The following VAPB variants were observed in gnomAD, a reference collection of about 807,000 sequenced individuals.
VAPB encodes vesicle-associated membrane protein-associated protein B/C.
A neutral mutation model predicts 25.6 loss-of-function variants in VAPB; 7 were observed. That is an observed-to-expected ratio of 0.27 (90% CI 0.16 to 0.51). The LOEUF is 0.51. Ranked by LOEUF, VAPB falls within the 20% of genes least tolerant of loss-of-function variation. The pLI, the probability that VAPB is intolerant of heterozygous loss-of-function variation, is 0.97. For missense variants in VAPB, 266 were observed against 301.3 expected, an observed-to-expected ratio of 0.88 and a Z score of 0.87; for synonymous variants, 112 against 109.2, an observed-to-expected ratio of 1.03 and a Z score of -0.16.
intron 2 of VAPB, among the ~76,000 whole-genome samples, chr20:58,426,408 G>A (rs1988783290): frequency 6.6e-6 from 1 of 152,168 alleles, no homozygotes; most frequent in South Asian, 2.1e-4. Context: ...GGAAGATGGG[G>A]TATATTGACA....
At position 58,389,287 on chromosome 20, in the gene VAPB, G is replaced by A; in HGVS notation, c.-173G>A. 1.4e-6 allele frequency: 1 copy of A among 736,860 alleles called. No individual in the cohort carries two copies. The highest frequency in any genetic ancestry group is 2.4e-6 in the Non-Finnish European group (1 of 424,782). The allele number at this position is 736,860 out of a possible 1,614,324, so 45.6% of individuals were successfully genotyped here. A position where few individuals can be genotyped will look rare whatever the true frequency, so the allele number is the denominator to read the frequency against. On this transcript the variant is annotated 5_prime_UTR_variant, in exon 1 of 6. Coordinates refer to ENST00000475243, the MANE Select transcript of VAPB (RefSeq NM_004738.5). ...GCCCTCGCCCTCCGCCCCTGCGCCTGCACCGCGTAGACCGACCCCCCCCCA... is the reference window on the plus strand; with the variant it reads ...GCCCTCGCCCTCCGCCCCTGCGCCTACACCGCGTAGACCGACCCCCCCCCA...
In VAPB at chr20:58,446,464, G is replaced by A. The variant is rs538187812; in HGVS notation, c.*2229G>A. ...TTATTTTTAAAGGATATGGCCGTGT[G>A]TTTTGATAAAACTTTATTCACAAAA... On this transcript the variant is annotated 3_prime_UTR_variant, in exon 6 of 6. Coordinates refer to ENST00000475243, the MANE Select transcript of VAPB (RefSeq NM_004738.5). 6.6e-6 allele frequency: 3 copies of A among 454,068 alleles called. No individual in the cohort carries two copies. Among genetic ancestry groups the A allele is most frequent in the South Asian group, 3.1e-5 (2 of 64,476 alleles). The allele number at this position is 454,068 out of a possible 1,614,324, so 28.1% of individuals were successfully genotyped here.
intron 1 of VAPB, among the ~76,000 whole-genome samples, chr20:58,411,619 G>A (rs1339954808): frequency 6.6e-6 from 1 of 152,192 alleles, no homozygotes; most frequent in East Asian, 1.9e-4. Flanking sequence ...TTTTGGTGAG[G>A]TGGCTGTTCA....
chr20:58,423,414 C>CAAAAAAAAAAAAAAAACAAAAAAAA (rs1988712308), intron 2 of VAPB, among the ~76,000 whole-genome samples: 1 of 34,760 alleles, frequency 2.9e-5, no homozygotes, highest in African/African-American at 1.1e-4. Flanking sequence ...CTCCATCTCA[C>CAAAAAAAAAAAAAAAACAAAAAAAA]AAAAAAAAAA....
chr20:58,438,120 T>A (rs1357682200), intron 3 of VAPB, among the ~76,000 whole-genome samples: 1 of 151,998 alleles, frequency 6.6e-6, no homozygotes, highest in Non-Finnish European at 1.5e-5. Flanking sequence ...GGTCTTGGGG[T>A]AGACACAGCC....
In VAPB at chr20:58,450,712, T is replaced by TC. The variant is rs879586373; in HGVS notation, c.*6478dup. On this transcript the variant is annotated 3_prime_UTR_variant, in exon 6 of 6. Transcript: ENST00000475243. ...TTTCTGATGTGTGTGTTTATAGTCTTCAATGTATGTTAACATGTTAGGAAC... is the reference window on the plus strand; with the variant it reads ...TTTCTGATGTGTGTGTTTATAGTCTTCCAATGTATGTTAACATGTTAGGAAC... 3 of 453,914 alleles carry TC rather than the reference T, an allele frequency of 6.6e-6. No individual in the cohort carries two copies. The highest frequency in any genetic ancestry group is 4.4e-6 in the Non-Finnish European group (1 of 226,686). 28.1% of individuals were successfully genotyped at this position (453,914 alleles called of 1,614,324 possible).
intron 1 of VAPB, among the ~76,000 whole-genome samples, chr20:58,414,647 C>T (rs1223071021): frequency 2.0e-5 from 3 of 151,520 alleles, no homozygotes; most frequent in Non-Finnish European, 4.4e-5. Context: ...CAGAGACGCT[C>T]CTCACTTCCT....
At chr20:58,395,712 A>G (rs574927347) in intron 1 of VAPB, among the ~76,000 whole-genome samples, 31 of 152,150 alleles carry the variant, frequency 2.0e-4, no homozygotes, top group Non-Finnish European at 3.5e-4. Flanking sequence ...GTTTTTTTCT[A>G]TCATTTTAGG....
chr20:58,411,720 C>G (rs1387302792), intron 1 of VAPB, among the ~76,000 whole-genome samples: 1 of 152,018 alleles, frequency 6.6e-6, no homozygotes, highest in African/African-American at 2.4e-5. Flanking sequence ...GCTCTGTCAC[C>G]CAGACTGGAG....
Position 58,448,079 on chromosome 20 carries a change from G to T in VAPB, c.*3844G>T. On this transcript the variant is annotated 3_prime_UTR_variant, in exon 6 of 6. Transcript: ENST00000475243. ...GAACTATGAAAAGTTACCACTCTGA[G>T]GAGACCTCTCTTAATTAACACTTGG... 1 of 454,008 alleles carries T rather than the reference G, an allele frequency of 2.2e-6. No individual in the cohort carries two copies. The highest frequency in any genetic ancestry group is 6.9e-4 in the Middle Eastern group (1 of 1,444). The allele number at this position is 454,008 out of a possible 1,614,324, so 28.1% of individuals were successfully genotyped here.
At chr20:58,432,326 A>G (rs1320702874) in intron 2 of VAPB, 3 of 152,238 alleles carry the variant, frequency 2.0e-5, no homozygotes, top group Admixed American at 2.0e-4. Context: ...ATCTTTACAA[A>G]TAAACCTTGT....
rs1478469503 is a variant in VAPB, at chr20:58,446,363, TAGG to T, written c.*2131_*2133del. 2.2e-6 allele frequency: 1 copy of T among 454,078 alleles called. No homozygotes were observed. The highest frequency in any genetic ancestry group is 4.4e-6 in the Non-Finnish European group (1 of 226,778). 28.1% of individuals were successfully genotyped at this position (454,078 alleles called of 1,614,324 possible). On this transcript the variant is annotated 3_prime_UTR_variant, in exon 6 of 6. Coordinates refer to ENST00000475243, the MANE Select transcript of VAPB (RefSeq NM_004738.5). ...AGCTTCCAGGCCCTCATGTCTTTGA[TAGG>T]AGAGTGCTTAGGTGGTCCCCAACAG...
intron 2 of VAPB, among the ~76,000 whole-genome samples, chr20:58,420,975 C>G (rs191608131): frequency 6.6e-6 from 1 of 152,278 alleles, no homozygotes; most frequent in East Asian, 1.9e-4. Context: ...CACTAGAGTC[C>G]TCAGGAGGAG....
At chr20:58,398,883 G>C (rs1173748475) in intron 1 of VAPB, among the ~76,000 whole-genome samples, 1 of 151,562 alleles carries the variant, frequency 6.6e-6, no homozygotes, top group Non-Finnish European at 1.5e-5. Context: ...CGTCATGCTG[G>C]CTGTGTTTCT....
chr20:58,411,447 A>C (rs1044319834), intron 1 of VAPB, among the ~76,000 whole-genome samples: 4 of 151,862 alleles, frequency 2.6e-5, no homozygotes, highest in African/African-American at 9.7e-5. Flanking sequence ...ACACCTGGCT[A>C]CTTTTTGTAT....
chr20:58,409,825 T>A (rs1451900057), intron 1 of VAPB, among the ~76,000 whole-genome samples: 2 of 152,028 alleles, frequency 1.3e-5, no homozygotes, highest in East Asian at 1.9e-4. Context: ...AGGATATGTA[T>A]TTGTGAAACC....
At chr20:58,396,338 A>C (rs778300681) in intron 1 of VAPB, among the ~76,000 whole-genome samples, 2 of 152,074 alleles carry the variant, frequency 1.3e-5, no homozygotes, top group Admixed American at 6.5e-5. Context: ...ATGTGTTTCA[A>C]TTACTACATT....
chr20:58,412,251 T>C (rs1160083567), intron 1 of VAPB, among the ~76,000 whole-genome samples: 1 of 152,208 alleles, frequency 6.6e-6, no homozygotes, highest in African/African-American at 2.4e-5. Flanking sequence ...AAATATACTT[T>C]AGCCTTTATT....
In VAPB at chr20:58,444,362, T is replaced by C. The variant is rs764737823; in HGVS notation, c.*127T>C. ...CATCTCACAGGTCTTGCCTTTAAAT[T>C]ACCCCTCCCTGCACACACATACACA... On this transcript the variant is annotated 3_prime_UTR_variant, in exon 6 of 6. Coordinates refer to ENST00000475243, the MANE Select transcript of VAPB (RefSeq NM_004738.5). 7.5e-7 allele frequency: 1 copy of C among 1,334,752 alleles called. No homozygotes were observed. Among genetic ancestry groups the C allele is most frequent in the Non-Finnish European group, 1.1e-6 (1 of 933,304 alleles). 82.7% of individuals were successfully genotyped at this position (1,334,752 alleles called of 1,614,324 possible).
Sources: gnomAD v4.1 joint callset for allele counts (sites outside exome capture counted in the v4.1 genomes callset) on GRCh38, gnomAD v4.1.1 for gene constraint, MANE v1.5 for transcripts, NCBI Gene and HGNC (gene_info 2026-07-23, HGNC 2026-07-21) for gene names.